The following CRB1 variants were observed in gnomAD, a reference collection of about 807,000 sequenced individuals.
CRB1 encodes crumbs cell polarity complex component 1.
Under a neutral mutation model 120.0 loss-of-function variants are expected in CRB1, and 83 were observed. The ratio of observed to expected loss-of-function variants is 0.69; its 90% CI spans 0.58 to 0.83. CRB1 has a LOEUF of 0.83. Among genes scored for constraint, CRB1 ranks in the 40% least tolerant of loss-of-function variants. The probability of loss-of-function intolerance (pLI) is 0.00; values close to 1 mark genes in which losing one functional copy is unlikely to be tolerated. For missense variants in CRB1, 1,699 were observed against 1,687.6 expected, an observed-to-expected ratio of 1.01 and a Z score of -0.12; for synonymous variants, 625 against 612.5, an observed-to-expected ratio of 1.02 and a Z score of -0.30.
At position 197,328,829 on chromosome 1, in the gene CRB1, G is replaced by T. The variant is rs775654763; in HGVS notation, c.478G>T (p.Gly160Trp). 24 of 1,613,980 alleles carry T rather than the reference G, an allele frequency of 1.5e-5. No homozygotes were observed. The highest frequency in any genetic ancestry group is 1.9e-5 in the Non-Finnish European group (22 of 1,180,006). ...DECASSPCQN[G>W]AVCQDGIDGY... The stretch of plus-strand genomic sequence containing the variant: ...GTGTGCTTCCAGCCCTTGCCAAAAT[G>T]GGGCCGTGTGCCAGGATGGAATTGA... The change falls in exon 2 of 12, where the codon GGG (glycine) becomes TGG (tryptophan). Residue 160 changes from glycine to tryptophan, a missense_variant. Transcript: ENST00000367400.
rs188313968 is a variant in CRB1 at position 197,464,351 on chromosome 1, A to T, written c.4006-13313A>T. 1.2e-4 allele frequency among the ~76,000 whole-genome samples: 19 copies of T among 152,288 alleles called. No individual in the cohort carries two copies. The East Asian group carries it at 3.5e-3, about 28-fold the overall frequency. The stretch of plus-strand genomic sequence containing the variant: ...TCAATCCTTGGAAACAGGATTGGGG[A>T]GGATTTTTCAGGCCTAGTGACTAAT... On this transcript the variant is annotated intron_variant, in intron 11 of 11. Coordinates refer to ENST00000367400, the MANE Select transcript of CRB1 (RefSeq NM_201253.3).
intron 5 of CRB1, among the ~76,000 whole-genome samples, chr1:197,371,148 A>T (rs892903982): frequency 6.6e-6 from 1 of 152,106 alleles, no homozygotes; most frequent in African/African-American, 2.4e-5. Context: ...GTCTCAGCTA[A>T]GGTTTCAAGG....
At chr1:197,253,547 G>T in the CRB1 span, among the ~76,000 whole-genome samples, 885 of 152,110 alleles carry the variant, frequency 5.8e-3, 10 homozygotes, top group African/African-American at 0.02. Flanking sequence ...TATGTATTTT[G>T]TGCTTCACAA....
chr1:197,243,948 G>T, the CRB1 span, among the ~76,000 whole-genome samples: 1 of 151,852 alleles, frequency 6.6e-6, no homozygotes, highest in Non-Finnish European at 1.5e-5. Flanking sequence ...TGTCTTTTTT[G>T]ATCTTTGTGG....
chr1:197,321,082 G>T (rs1036277044), intron 1 of CRB1, among the ~76,000 whole-genome samples: 1 of 152,146 alleles, frequency 6.6e-6, no homozygotes, highest in African/African-American at 2.4e-5. Context: ...AATTCATTAC[G>T]TAATCACTTG....
intron 9 of CRB1, 27 bp from the exon 10 acceptor site, chr1:197,438,520 C>T: frequency 6.2e-7 from 1 of 1,610,714 alleles, no homozygotes; most frequent in Non-Finnish European, 8.5e-7. Flanking sequence ...AGATGAACAG[C>T]TGTGGCTCTT....
chr1:197,398,936 A>C (rs1182377366), intron 5 of CRB1, among the ~76,000 whole-genome samples: 1 of 101,988 alleles, frequency 9.8e-6, no homozygotes, highest in Admixed American at 9.6e-5. Context: ...GTGTGTGTGT[A>C]ATATGCAGAT....
chr1:197,373,364 C>T (rs1271639970), intron 5 of CRB1, among the ~76,000 whole-genome samples: 1 of 152,110 alleles, frequency 6.6e-6, no homozygotes, highest in Non-Finnish European at 1.5e-5. Context: ...GTAGCTACAT[C>T]AAGTTAAGTT....
chr1:197,261,458 AC>A, the CRB1 span, among the ~76,000 whole-genome samples: 21 of 152,362 alleles, frequency 1.4e-4, no homozygotes, highest in African/African-American at 4.8e-4. Flanking sequence ...TCTTCAAGAC[AC>A]GCTGTTGAGT....
chr1:197,411,187 G>A (rs376067316), intron 5 of CRB1, among the ~76,000 whole-genome samples: 4 of 151,986 alleles, frequency 2.6e-5, no homozygotes, highest in East Asian at 1.9e-4. Context: ...ATATCTTATC[G>A]CTGTCTCCTA....
At chr1:197,386,656 C>T (rs942568563) in intron 5 of CRB1, among the ~76,000 whole-genome samples, 2 of 152,268 alleles carry the variant, frequency 1.3e-5, no homozygotes, top group South Asian at 4.1e-4. Flanking sequence ...TCTATATCGT[C>T]TTAATATAGC....
At chr1:197,463,540 G>A (rs182336214) in intron 11 of CRB1, among the ~76,000 whole-genome samples, 59 of 152,254 alleles carry the variant, frequency 3.9e-4, no homozygotes, top group Admixed American at 3.1e-3. Flanking sequence ...TAGATTTGGG[G>A]TTACATTTAT....
chr1:197,457,583 C>T (rs969149646), intron 11 of CRB1, among the ~76,000 whole-genome samples: 1 of 152,110 alleles, frequency 6.6e-6, no homozygotes, highest in Non-Finnish European at 1.5e-5. Flanking sequence ...TCATTCCTGG[C>T]AGAGTAGTGC....
the CRB1 span, among the ~76,000 whole-genome samples, chr1:197,236,769 A>G: frequency 3.3e-4 from 50 of 152,176 alleles, no homozygotes; most frequent in African/African-American, 1.1e-3. Flanking sequence ...TGCATTTAAC[A>G]ATATGATTTT....
intron 9 of CRB1, 133 bp from the exon 10 acceptor site, chr1:197,438,414 A>G (rs752192962): frequency 1.3e-5 from 14 of 1,062,470 alleles, no homozygotes; most frequent in Non-Finnish European, 1.8e-5. Flanking sequence ...CAGCACAATT[A>G]AGCATTTGTA....
At chr1:197,383,661 C>T (rs887718930) in intron 5 of CRB1, among the ~76,000 whole-genome samples, 10 of 152,178 alleles carry the variant, frequency 6.6e-5, no homozygotes, top group African/African-American at 2.4e-4. Context: ...TGATATTTCT[C>T]TTTCTGTCTT....
At chr1:197,288,592 A>G (rs1047761768) in intron 1 of CRB1, among the ~76,000 whole-genome samples, 7 of 151,894 alleles carry the variant, frequency 4.6e-5, no homozygotes, top group African/African-American at 1.2e-4. Context: ...AGTTATTACA[A>G]CTGTATTCCA....
chr1:197,260,211 G>A, the CRB1 span, among the ~76,000 whole-genome samples: 23 of 11,384 alleles, frequency 2.0e-3, no homozygotes, highest in African/African-American at 0.023. Flanking sequence ...AGAAGAGGAA[G>A]GAGAAAAACA....
intron 5 of CRB1, among the ~76,000 whole-genome samples, chr1:197,400,908 C>T (rs1663032843): frequency 6.6e-6 from 1 of 151,964 alleles, no homozygotes; most frequent in Non-Finnish European, 1.5e-5. Flanking sequence ...CCTAAAAATA[C>T]TTTAGTATAT....
Sources: allele counts gnomAD v4.1 joint callset (sites outside exome capture counted in the v4.1 genomes callset), GRCh38; gene constraint gnomAD v4.1.1; transcripts MANE v1.5; gene names NCBI Gene and HGNC (gene_info 2026-07-23, HGNC 2026-07-21).